The following SEC24D variants were observed in gnomAD, a reference collection of about 807,000 sequenced individuals.
The protein encoded by SEC24D is protein transport protein Sec24D.
Under a neutral mutation model 116.9 loss-of-function variants are expected in SEC24D, and 69 were observed. The ratio of observed to expected loss-of-function variants is 0.59; its 90% CI spans 0.49 to 0.72. The LOEUF is 0.72. Ranked by LOEUF, SEC24D falls within the 30% of genes least tolerant of loss-of-function variation. The pLI, the probability that SEC24D is intolerant of heterozygous loss-of-function variation, is 0.00. For missense variants in SEC24D, 1,131 were observed against 1,264.1 expected, an observed-to-expected ratio of 0.89 and a Z score of 1.60; for synonymous variants, 405 against 442.8, an observed-to-expected ratio of 0.91 and a Z score of 1.07.
In SEC24D at chr4:118,815,676, T is replaced by C. The variant is rs767119025; in HGVS notation, c.448A>G (p.Thr150Ala). The C allele has an allele frequency of 3.1e-5, 50 of 1,613,934 alleles. No individual in the cohort carries two copies. The highest frequency in any genetic ancestry group is 3.6e-5 in the Non-Finnish European group (42 of 1,179,984). The change falls in exon 5 of 23, where the codon ACA (threonine) becomes GCA (alanine). Residue 150 changes from threonine (T) to alanine (A), a missense_variant. Physicochemically the swap from Thr to Ala is moderately conservative, Grantham distance 58. Transcript: ENST00000280551. ...SQGPPGPLSATSLQTPPRPPQ... is the reference protein window; with the variant it reads ...SQGPPGPLSAASLQTPPRPPQ... ...GGTCGTGGAGGAGTCTGCAATGATG[T>C]GGCTGACAGAGGGCCAGGGGGTCCC...
At chr4:118,735,125 T>C (rs1400024050) in intron 19 of SEC24D, among the ~76,000 whole-genome samples, 1 of 152,154 alleles carries the variant, frequency 6.6e-6, no homozygotes, top group Non-Finnish European at 1.5e-5. Flanking sequence ...AGGGGTGAGG[T>C]TGGCCCACAA....
Position 118,805,881 on chromosome 4 carries a change from G to T in SEC24D, c.875C>A (p.Pro292His). The T allele has an allele frequency of 1.3e-6, 2 of 1,590,286 alleles. No individual in the cohort carries two copies. The highest frequency in any genetic ancestry group is 4.6e-5 in the East Asian group (2 of 43,392). The change falls in exon 7 of 23, where the codon CCT (proline) becomes CAT (histidine). Residue 292 changes from proline to histidine, a missense_variant. Pro to His is a moderately conservative substitution (Grantham distance 77). Transcript: ENST00000280551. ...VYATNTRGQI[P>H]PLVTTDCMIQ... is the part of the protein sequence containing the mutation. ...CATGCAATCTGTAGTGACCAGGGGA[G>T]GGATCTGGCCTCTGGTGTTGGTGGC...
chr4:118,822,120 C>A (rs1453020806), intron 3 of SEC24D, among the ~76,000 whole-genome samples: 1 of 152,182 alleles, frequency 6.6e-6, no homozygotes, highest in Non-Finnish European at 1.5e-5. Context: ...ATGATATTGA[C>A]AAATGCTAAG....
At chr4:118,835,750 C>T (rs1578490640) in intron 1 of SEC24D, among the ~76,000 whole-genome samples, 191 bp downstream of exon 1, 1 of 152,200 alleles carries the variant, frequency 6.6e-6, no homozygotes, top group South Asian at 2.1e-4. Flanking sequence ...CCTGCTCCCC[C>T]ATCCCGCCGG....
chr4:118,817,402 G>C lies in SEC24D; in HGVS notation c.259C>G (p.Pro87Ala). Residue 87 changes from proline (P) to alanine (A), a missense_variant, in exon 4 of 23, where the codon CCT (proline) becomes GCT (alanine). Physicochemically the swap from Pro to Ala is conservative, Grantham distance 27. Coordinates refer to ENST00000280551, the MANE Select transcript of SEC24D (RefSeq NM_014822.4). ...GATGCCACATTGTTGACAGGTGGAG[G>C]GCCTGGAAATCTGAGAGAGGAAAAC... The part of the protein sequence containing the change: ...TGHPPQRFPG[P>A]PPVNNVASSH... 6.2e-7 allele frequency: 1 copy of C among 1,604,976 alleles called. No homozygotes were observed. Among genetic ancestry groups the C allele is most frequent in the Non-Finnish European group, 8.5e-7 (1 of 1,176,752 alleles).
At chr4:118,742,991 C>G (rs1021218257) in intron 15 of SEC24D, among the ~76,000 whole-genome samples, 18 of 152,010 alleles carry the variant, frequency 1.2e-4, no homozygotes, top group Admixed American at 2.0e-4. Flanking sequence ...CAGATCGTGC[C>G]CACTCTGTGC....
At chr4:118,801,490 ATG>A (rs1729442571) in intron 7 of SEC24D, among the ~76,000 whole-genome samples, 1 of 152,214 alleles carries the variant, frequency 6.6e-6, no homozygotes, top group African/African-American at 2.4e-5. Context: ...ATATTAATAT[ATG>A]TAAGTATGCT....
At chr4:118,734,414 T>C (rs1725853684) in intron 19 of SEC24D, among the ~76,000 whole-genome samples, 1 of 151,922 alleles carries the variant, frequency 6.6e-6, no homozygotes, top group Non-Finnish European at 1.5e-5. Flanking sequence ...GGTTTCGCCA[T>C]GTTGGCCAGG....
chr4:118,802,318 T>G (rs1729477850), intron 7 of SEC24D, among the ~76,000 whole-genome samples: 1 of 152,234 alleles, frequency 6.6e-6, no homozygotes, highest in Non-Finnish European at 1.5e-5. Flanking sequence ...TTGTTGGCTC[T>G]GATCCTAACC....
At chr4:118,740,190 C>T (rs1726158204) in intron 17 of SEC24D, among the ~76,000 whole-genome samples, 1 of 152,132 alleles carries the variant, frequency 6.6e-6, no homozygotes, top group African/African-American at 2.4e-5. Flanking sequence ...AAACCAAGGA[C>T]AGGGGCCTGG....
chr4:118,825,306 A>G (rs184134154), intron 2 of SEC24D: 5 of 261,318 alleles, frequency 1.9e-5, no homozygotes, highest in Non-Finnish European at 3.8e-5. Context: ...GATGATGAAC[A>G]GCTGGGGGAC....
intron 6 of SEC24D, among the ~76,000 whole-genome samples, chr4:118,810,161 G>A (rs2110518667): frequency 1.4e-5 from 2 of 145,718 alleles, no homozygotes; most frequent in Middle Eastern, 7.2e-3. Context: ...GGAGCCAGGG[G>A]TGGCAAATAA....
At chr4:118,797,405 C>A (rs533792451) in intron 8 of SEC24D, among the ~76,000 whole-genome samples, 1 of 152,298 alleles carries the variant, frequency 6.6e-6, no homozygotes, top group African/African-American at 2.4e-5. Flanking sequence ...AGTCACAATA[C>A]TTTTACTGTG....
intron 2 of SEC24D, among the ~76,000 whole-genome samples, chr4:118,827,007 G>C: frequency 6.6e-6 from 1 of 152,216 alleles, no homozygotes; most frequent in East Asian, 1.9e-4. Context: ...GAATTGAGAA[G>C]AGTTCAAAGA....
At chr4:118,734,033 G>A (rs1415984705) in intron 19 of SEC24D, among the ~76,000 whole-genome samples, 1 of 151,056 alleles carries the variant, frequency 6.6e-6, no homozygotes, top group African/African-American at 2.4e-5. Context: ...AATCAATATT[G>A]TTAGAATAGC....
chr4:118,803,140 G>A (rs1729520590), intron 7 of SEC24D, among the ~76,000 whole-genome samples: 1 of 152,018 alleles, frequency 6.6e-6, no homozygotes, highest in Non-Finnish European at 1.5e-5. Context: ...TTTCAGTGTG[G>A]GATGATTTTT....
At chr4:118,808,979 C>G (rs900760655) in intron 6 of SEC24D, among the ~76,000 whole-genome samples, 3 of 147,544 alleles carry the variant, frequency 2.0e-5, no homozygotes, top group African/African-American at 7.5e-5. Flanking sequence ...CACCCAACTT[C>G]TTTTTTTTTT....
intron 8 of SEC24D, among the ~76,000 whole-genome samples, chr4:118,797,002 G>A (rs989270752): frequency 7.9e-4 from 120 of 152,136 alleles, no homozygotes; most frequent in African/African-American, 2.7e-3. Context: ...TAGTGCCTGT[G>A]TTTCTGTGCG....
chr4:118,814,317 T>A (rs977259431), intron 6 of SEC24D, among the ~76,000 whole-genome samples: 34 of 152,310 alleles, frequency 2.2e-4, no homozygotes, highest in African/African-American at 7.9e-4. Flanking sequence ...TTCCTCCCTA[T>A]GCCACAAAAT....
Sources: gnomAD v4.1 joint callset for allele counts (sites outside exome capture counted in the v4.1 genomes callset) on GRCh38, gnomAD v4.1.1 for gene constraint, MANE v1.5 for transcripts, NCBI Gene and HGNC (gene_info 2026-07-23, HGNC 2026-07-21) for gene names.